The following HHAT variants were observed in gnomAD, a reference collection of about 807,000 sequenced individuals.
The protein encoded by HHAT is hedgehog acyltransferase.
Under a neutral mutation model 70.8 loss-of-function variants are expected in HHAT, and 47 were observed. The ratio of observed to expected loss-of-function variants is 0.66; its 90% CI spans 0.53 to 0.85. HHAT has a LOEUF of 0.85. Ranked by LOEUF, HHAT falls within the 40% of genes least tolerant of loss-of-function variation. The pLI is 0.00. For missense variants in HHAT, 609 were observed against 604.8 expected (o/e 1.01, Z -0.07); for synonymous variants, 228 against 247.6 (o/e 0.92, Z 0.74).
At chr1:210,595,655 A>T (rs2148808721) in intron 10 of HHAT, among the ~76,000 whole-genome samples, 1 of 152,286 alleles carries the variant, frequency 6.6e-6, no homozygotes, top group African/African-American at 2.4e-5. Context: ...AATGATTGCC[A>T]TTCTAACTGG....
At chr1:210,426,774 G>A (rs1216265568) in intron 7 of HHAT, among the ~76,000 whole-genome samples, 1 of 152,122 alleles carries the variant, frequency 6.6e-6, no homozygotes, top group African/African-American at 2.4e-5. Context: ...TTGCATTGAT[G>A]TGCACAAGGA....
At position 210,400,461 on chromosome 1, in the gene HHAT, T is replaced by A. The variant is rs996558486; in HGVS notation, c.274-7T>A. 1 of 1,600,304 alleles carries A rather than the reference T, an allele frequency of 6.2e-7. No individual in the cohort carries two copies. The highest frequency in any genetic ancestry group is 8.5e-7 in the Non-Finnish European group (1 of 1,172,748). ...GTCTCTCTCTGGATGGGCCCCACCA[T>A]TTGCAGCACAGACCCTGGATTCTCA... On this transcript the variant is annotated splice_region_variant and splice_polypyrimidine_tract_variant and intron_variant, in intron 4 of 11. Transcript: ENST00000261458.
chr1:210,560,357 C>T (rs545031159), intron 9 of HHAT, among the ~76,000 whole-genome samples: 27 of 152,210 alleles, frequency 1.8e-4, no homozygotes, highest in African/African-American at 6.3e-4. Flanking sequence ...TCTCACCTCT[C>T]TCATGCTTTG....
intron 11 of HHAT, among the ~76,000 whole-genome samples, chr1:210,664,536 G>C (rs141601332): frequency 3.3e-5 from 5 of 152,246 alleles, no homozygotes. Context: ...CCTAGGTCTA[G>C]GGTCTGGTGC....
intron 9 of HHAT, among the ~76,000 whole-genome samples, chr1:210,539,548 G>T (rs923358688): frequency 1.6e-4 from 24 of 152,286 alleles, no homozygotes; most frequent in Non-Finnish European, 1.3e-4. Context: ...GATGAGGTGG[G>T]CCAGCTAGAT....
chr1:210,432,698 C>T (rs2093279815), intron 7 of HHAT, among the ~76,000 whole-genome samples: 1 of 151,848 alleles, frequency 6.6e-6, no homozygotes, highest in Non-Finnish European at 1.5e-5. Flanking sequence ...CTGCCATTTC[C>T]AGGCTGCTCC....
chr1:210,667,061 C>A (rs1309190274), intron 11 of HHAT, among the ~76,000 whole-genome samples: 1 of 145,240 alleles, frequency 6.9e-6, no homozygotes, highest in Non-Finnish European at 1.5e-5. Context: ...GCCTGGGCGA[C>A]AGAGCAAAAC....
chr1:210,640,675 GC>G (rs1465672805), intron 11 of HHAT, among the ~76,000 whole-genome samples: 1 of 140,968 alleles, frequency 7.1e-6, no homozygotes, highest in Non-Finnish European at 1.5e-5. Context: ...GCCCCCCACT[GC>G]CCCCCACACA....
chr1:210,573,291 A>T (rs887568226), intron 9 of HHAT, among the ~76,000 whole-genome samples: 58 of 152,172 alleles, frequency 3.8e-4, no homozygotes, highest in Admixed American at 3.3e-3. Context: ...TCATCCCTAC[A>T]TCTGCTCTGC....
chr1:210,509,687 C>T (rs894655985), intron 8 of HHAT, among the ~76,000 whole-genome samples: 2 of 152,180 alleles, frequency 1.3e-5, no homozygotes, highest in Admixed American at 6.5e-5. Flanking sequence ...TAACATCCCC[C>T]CTTCTCCACT....
chr1:210,603,781 C>T (rs1032233964), intron 10 of HHAT, among the ~76,000 whole-genome samples: 1 of 152,144 alleles, frequency 6.6e-6, no homozygotes, highest in African/African-American at 2.4e-5. Flanking sequence ...TCTCACATTC[C>T]TTCCAAGACC....
In HHAT at chr1:210,374,205, T is replaced by TC. The variant is rs774742552; in HGVS notation, c.159+11287dup. The TC allele has an allele frequency of 5.3e-5, 8 of 152,290 alleles. 1 individual carries two copies. The South Asian group carries it at 6.2e-4, about 12-fold the overall frequency. 9.4% of individuals were successfully genotyped at this position (152,290 alleles called of 1,614,324 possible). On this transcript the variant is annotated intron_variant, in intron 3 of 11. Coordinates refer to ENST00000261458, the MANE Select transcript of HHAT (RefSeq NM_018194.6). ...AAAATTAGCTTATAACTGATTTGTT[T>TC]CTCTCCACGGAAATCTTTAGTAAAA... is the stretch of plus-strand genomic sequence containing the variant.
intron 11 of HHAT, 96 bp from the exon 12 acceptor site, chr1:210,674,192 C>A: frequency 1.0e-6 from 1 of 963,348 alleles, no homozygotes; most frequent in Non-Finnish European, 1.7e-6. Flanking sequence ...TGTTGTTTGT[C>A]AGGTTGCCTT....
intron 2 of HHAT, among the ~76,000 whole-genome samples, chr1:210,354,494 G>C (rs141641269): frequency 2.9e-4 from 44 of 152,140 alleles, no homozygotes; most frequent in African/African-American, 1.0e-3. Flanking sequence ...TCTTGATCAT[G>C]TACTGAGTTC....
intron 11 of HHAT, among the ~76,000 whole-genome samples, chr1:210,628,237 G>A (rs570189241): frequency 6.6e-6 from 1 of 152,196 alleles, no homozygotes; most frequent in African/African-American, 2.4e-5. Flanking sequence ...AGGGTGGAGA[G>A]CCTTATAATG....
chr1:210,575,036 A>G (rs1369700263), intron 9 of HHAT, among the ~76,000 whole-genome samples: 1 of 152,126 alleles, frequency 6.6e-6, no homozygotes. Flanking sequence ...GAGGAGGTGT[A>G]TGTCCAAGAT....
In HHAT at chr1:210,504,934, G is replaced by A. The variant is rs558103894; in HGVS notation, c.1008-8219G>A. On this transcript the variant is annotated intron_variant, in intron 8 of 11. Coordinates refer to ENST00000261458, the MANE Select transcript of HHAT (RefSeq NM_018194.6). ...TTTTTTTTTTTTGAGACGGAGTCTCGCTCTGTTGCCTAGGCTGGAGTGCAG... is the reference window on the plus strand; with the variant it reads ...TTTTTTTTTTTTGAGACGGAGTCTCACTCTGTTGCCTAGGCTGGAGTGCAG... 3.9e-5 allele frequency among the ~76,000 whole-genome samples: 5 copies of A among 128,198 alleles called. No individual in the cohort carries two copies. In the East Asian group the frequency reaches 1.2e-3, roughly 30 times the overall value. The allele number at this position is 128,198 out of a possible 152,430, so 84.1% of individuals were successfully genotyped here. A position where few individuals can be genotyped will look rare whatever the true frequency, so the allele number is the denominator to read the frequency against.
intron 2 of HHAT, among the ~76,000 whole-genome samples, chr1:210,349,651 AC>A (rs2086837166): frequency 9.0e-6 from 1 of 111,414 alleles, no homozygotes; most frequent in African/African-American, 3.0e-5. Flanking sequence ...GCTACCTAAA[AC>A]TTTTTTTTTT....
At chr1:210,608,414 T>C (rs1213588412) in intron 10 of HHAT, among the ~76,000 whole-genome samples, 1 of 152,230 alleles carries the variant, frequency 6.6e-6, no homozygotes, top group Non-Finnish European at 1.5e-5. Flanking sequence ...CTATCTATTC[T>C]GTTGCGTTGA....
Sources: allele counts gnomAD v4.1 joint callset (sites outside exome capture counted in the v4.1 genomes callset), GRCh38; gene constraint gnomAD v4.1.1; transcripts MANE v1.5; gene names NCBI Gene and HGNC (gene_info 2026-07-23, HGNC 2026-07-21).